Variants in HUNK observed in about 807,000 individuals in gnomAD.
HUNK encodes hormonally up-regulated neu tumor-associated kinase.
In HUNK, 21 loss-of-function variants were observed where a neutral mutation model predicts 61.0. That is an observed-to-expected ratio of 0.34 (90% CI 0.24 to 0.50). The LOEUF (loss-of-function observed/expected upper bound fraction) is 0.50, where lower values mean the gene tolerates loss of function less well. HUNK is among the 20% of genes least tolerant of loss of function. HUNK has a pLI of 0.98. For synonymous variants in HUNK, 371 were observed against 386.1 expected, an observed-to-expected ratio of 0.96 and a Z score of 0.46; for missense variants, 772 against 945.7, an observed-to-expected ratio of 0.82 and a Z score of 2.41.
chr21:31,972,304 C>T (rs1199211218), intron 6 of HUNK, among the ~76,000 whole-genome samples: 1 of 152,120 alleles, frequency 6.6e-6, no homozygotes, highest in African/African-American at 2.4e-5. Context: ...CAAATTATAT[C>T]TAGTATTCTG....
chr21:31,966,338 G>C (rs1275468978), intron 5 of HUNK, among the ~76,000 whole-genome samples: 1 of 152,140 alleles, frequency 6.6e-6, no homozygotes, highest in Non-Finnish European at 1.5e-5. Context: ...TAATTGATGG[G>C]AATTTGGGCT....
intron 9 of HUNK, among the ~76,000 whole-genome samples, chr21:31,993,870 A>T (rs1480794726): frequency 6.6e-6 from 1 of 152,020 alleles, no homozygotes; most frequent in Non-Finnish European, 1.5e-5. Context: ...GAACATTCAG[A>T]TCCCACTGCA....
intron 4 of HUNK, among the ~76,000 whole-genome samples, chr21:31,947,328 A>G (rs541109963): frequency 7.1e-6 from 1 of 140,812 alleles, no homozygotes; most frequent in East Asian, 2.1e-4. Flanking sequence ...TCCCGGTCTC[A>G]AGCCAGTGGC....
intron 1 of HUNK, among the ~76,000 whole-genome samples, chr21:31,908,005 A>G (rs912322362): frequency 1.3e-5 from 2 of 152,160 alleles, no homozygotes; most frequent in Non-Finnish European, 2.9e-5. Context: ...GAAAAAAAAA[A>G]TGGTGAGGAC....
chr21:31,999,288 T>C lies in HUNK; in HGVS notation c.*104T>C, dbSNP rs1347813436. ...CTCCAAGGCCTCGCGTGGAGCATCC[T>C]TAGTCCCACCTGTAGCTGAATCCAC... On this transcript the variant is annotated 3_prime_UTR_variant, in exon 11 of 11. Transcript: ENST00000270112. 6.7e-6 allele frequency: 7 copies of C among 1,044,022 alleles called. No homozygotes were observed. The highest frequency in any genetic ancestry group is 4.2e-6 in the Non-Finnish European group (3 of 711,238). The allele number at this position is 1,044,022 out of a possible 1,614,324, so 64.7% of individuals were successfully genotyped here. A position where few individuals can be genotyped will look rare whatever the true frequency, so the allele number is the denominator to read the frequency against.
chr21:31,980,197 A>G (rs1159008938), intron 7 of HUNK, among the ~76,000 whole-genome samples: 2 of 151,720 alleles, frequency 1.3e-5, no homozygotes, highest in Non-Finnish European at 2.9e-5. Context: ...TCAGCCTCTC[A>G]AGTAGCTGGG....
intron 1 of HUNK, among the ~76,000 whole-genome samples, chr21:31,884,575 A>G (rs1376674468): frequency 6.7e-6 from 1 of 148,896 alleles, no homozygotes; most frequent in African/African-American, 2.5e-5. Context: ...CTGGGTGACA[A>G]GAGCAAAACT....
intron 1 of HUNK, among the ~76,000 whole-genome samples, chr21:31,921,257 G>A (rs1371246844): frequency 6.6e-6 from 1 of 151,466 alleles, no homozygotes; most frequent in African/African-American, 2.4e-5. Context: ...TGATTCCATT[G>A]GTTAGTCACT....
chr21:31,901,871 T>TG (rs930961791), intron 1 of HUNK, among the ~76,000 whole-genome samples: 1 of 152,128 alleles, frequency 6.6e-6, no homozygotes, highest in African/African-American at 2.4e-5. Flanking sequence ...AATAACCCAC[T>TG]GGGTTATTTG....
At chr21:31,948,074 A>G (rs1198109061) in intron 4 of HUNK, among the ~76,000 whole-genome samples, 1 of 152,232 alleles carries the variant, frequency 6.6e-6, no homozygotes, top group Non-Finnish European at 1.5e-5. Context: ...GAAACCCATC[A>G]TAAGAGAAAT....
chr21:31,945,562 G>T (rs567721097), intron 3 of HUNK, among the ~76,000 whole-genome samples: 23 of 152,326 alleles, frequency 1.5e-4, no homozygotes, highest in African/African-American at 5.3e-4. Context: ...AAAGTCAACT[G>T]TAAGTGGCTG....
At chr21:31,911,495 T>A (rs994690218) in intron 1 of HUNK, among the ~76,000 whole-genome samples, 1 of 151,590 alleles carries the variant, frequency 6.6e-6, no homozygotes, top group African/African-American at 2.4e-5. Flanking sequence ...AGGAGGCGGG[T>A]CAAGCCGAGG....
intron 4 of HUNK, among the ~76,000 whole-genome samples, chr21:31,955,149 A>G (rs1375166714): frequency 6.6e-6 from 1 of 151,818 alleles, no homozygotes; most frequent in Admixed American, 6.6e-5. Flanking sequence ...GACGAACCAC[A>G]CGCTATTCCA....
In HUNK at chr21:31,999,195, C is replaced by T. The variant is rs2073360; in HGVS notation, c.*11C>T. 337,683 of 1,581,986 alleles carry T rather than the reference C, an allele frequency of 0.21. 38,305 individuals carry two copies. The highest frequency in any genetic ancestry group is 0.29 in the South Asian group (25,068 of 86,706). The stretch of plus-strand genomic sequence containing the variant: ...AAGACCCAGTGCTAACTTGGGCCAG[C>T]GGGGTTTGGGGTATCTCTAGAAAAC... On this transcript the variant is annotated 3_prime_UTR_variant, in exon 11 of 11. Transcript: ENST00000270112.
intron 3 of HUNK, 106 bp from the exon 4 acceptor site, chr21:31,945,930 A>G: frequency 9.0e-7 from 1 of 1,114,872 alleles, no homozygotes; most frequent in Non-Finnish European, 1.3e-6. Flanking sequence ...TTAGCCTGAG[A>G]GAATGTTTCC....
At position 31,946,144 on chromosome 21, in the gene HUNK, A is replaced by G; in HGVS notation, c.719A>G (p.Tyr240Cys). ...AAPELLARKK[Y>C]GPKIDVWSIG... ...CCTGAACTGCTCGCCAGGAAGAAAT[A>G]CGGCCCCAAAATCGATGTCTGGTCC... Residue 240 changes from tyrosine to cysteine, a missense_variant, in exon 4 of 11, where the codon TAC (tyrosine) becomes TGC (cysteine). Physicochemically the swap from Tyr to Cys is radical, Grantham distance 194. Transcript: ENST00000270112. 1 of 1,613,016 alleles carries G rather than the reference A, an allele frequency of 6.2e-7. No homozygotes were observed. The highest frequency in any genetic ancestry group is 8.5e-7 in the Non-Finnish European group (1 of 1,179,076).
At chr21:31,889,525 C>G (rs2052371708) in intron 1 of HUNK, among the ~76,000 whole-genome samples, 1 of 152,156 alleles carries the variant, frequency 6.6e-6, no homozygotes, top group Non-Finnish European at 1.5e-5. Flanking sequence ...TAGTCGATGA[C>G]TCAGTTCTCA....
chr21:31,929,247 GT>G (rs879869118), intron 2 of HUNK, among the ~76,000 whole-genome samples: 61 of 115,496 alleles, frequency 5.3e-4, no homozygotes, highest in South Asian at 1.8e-3. Flanking sequence ...AGTAGGTTTT[GT>G]TTTTTTTTTT....
At chr21:31,954,207 G>T (rs2052871959) in intron 4 of HUNK, among the ~76,000 whole-genome samples, 1 of 152,156 alleles carries the variant, frequency 6.6e-6, no homozygotes, top group South Asian at 2.1e-4. Context: ...CTTCCTAGAG[G>T]CATCTGCACT....
Sources: gnomAD v4.1 joint callset for allele counts (sites outside exome capture counted in the v4.1 genomes callset) on GRCh38, gnomAD v4.1.1 for gene constraint, MANE v1.5 for transcripts, NCBI Gene and HGNC (gene_info 2026-07-23, HGNC 2026-07-21) for gene names.